CSNK1G1: variants seen among roughly 807,000 people sequenced by gnomAD.
CSNK1G1 encodes casein kinase 1 gamma 1, also known as casein kinase I isoform gamma-1.
In CSNK1G1, 22 loss-of-function variants were observed where a neutral mutation model predicts 59.6. The observed-to-expected ratio is 0.37, with a 90% CI of 0.26 to 0.53. The LOEUF is 0.53. Ranked by LOEUF, CSNK1G1 falls within the 20% of genes least tolerant of loss-of-function variation. The pLI is 0.89. For missense variants in CSNK1G1, 384 were observed against 519.5 expected (o/e 0.74, Z 2.54); for synonymous variants, 179 against 177.1 (o/e 1.01, Z -0.08).
intron 2 of CSNK1G1, among the ~76,000 whole-genome samples, chr15:64,263,822 CAAAAAAAAAAA>C (rs869123397): frequency 3.7e-5 from 2 of 53,806 alleles, no homozygotes; most frequent in African/African-American, 7.5e-5. Context: ...TTTTGTTTAC[CAAAAAAAAAAA>C]AAAAAAAAAA....
At position 64,170,299 on chromosome 15, in the gene CSNK1G1, A is replaced by AG. The variant is rs1292958858; in HGVS notation, c.*1631dup. On this transcript the variant is annotated 3_prime_UTR_variant, in exon 12 of 12. Transcript: ENST00000303052. ...ATGAAAACACCATGGGGGGAGGCCT[A>AG]GGGCATACTGGGAAAAACATGCTTA... The AG allele has an allele frequency of 2.0e-5, 3 of 152,266 alleles. No homozygotes were observed. The highest frequency in any genetic ancestry group is 4.4e-5 in the Non-Finnish European group (3 of 68,058). 9.4% of individuals were successfully genotyped at this position (152,266 alleles called of 1,614,324 possible). A position where few individuals can be genotyped will look rare whatever the true frequency, so the allele number is the denominator to read the frequency against.
At chr15:64,301,811 T>C (rs1443706167) in intron 1 of CSNK1G1, among the ~76,000 whole-genome samples, 1 of 151,768 alleles carries the variant, frequency 6.6e-6, no homozygotes, top group Non-Finnish European at 1.5e-5. Flanking sequence ...AGCTTGAACC[T>C]AGGAGGTGGA....
chr15:64,332,332 T>C (rs1381952551), intron 1 of CSNK1G1, among the ~76,000 whole-genome samples: 6 of 137,850 alleles, frequency 4.4e-5, no homozygotes, highest in African/African-American at 1.1e-4. Context: ...CATCATGGAA[T>C]ACTATGCAGC....
intron 4 of CSNK1G1, among the ~76,000 whole-genome samples, chr15:64,235,163 C>G (rs1430079462): frequency 6.6e-6 from 1 of 152,170 alleles, no homozygotes; most frequent in African/African-American, 2.4e-5. Context: ...GTGTTTTGTT[C>G]TAATCCCTAG....
chr15:64,311,068 T>A (rs904089970), intron 1 of CSNK1G1, among the ~76,000 whole-genome samples: 17 of 152,244 alleles, frequency 1.1e-4, no homozygotes, highest in Admixed American at 9.2e-4. Context: ...ATTTATTATT[T>A]TTTTTAAGAC....
intron 3 of CSNK1G1, among the ~76,000 whole-genome samples, chr15:64,257,850 G>A (rs1892470007): frequency 6.6e-6 from 1 of 152,144 alleles, no homozygotes; most frequent in Admixed American, 6.5e-5. Flanking sequence ...TTCAATCTAA[G>A]AGGATATTTG....
At chr15:64,345,441 G>A (rs1218221123) in intron 1 of CSNK1G1, among the ~76,000 whole-genome samples, 2 of 152,144 alleles carry the variant, frequency 1.3e-5, no homozygotes, top group Admixed American at 1.3e-4. Flanking sequence ...GAAACCCTTC[G>A]CAACAATAAA....
intron 1 of CSNK1G1, among the ~76,000 whole-genome samples, chr15:64,341,098 C>T (rs1318979449): frequency 6.6e-5 from 1 of 15,112 alleles, no homozygotes; most frequent in African/African-American, 9.1e-5. Flanking sequence ...CTCCGCTTCC[C>T]GGGTTCACGC....
chr15:64,258,901 T>C (rs1301995676), intron 3 of CSNK1G1, among the ~76,000 whole-genome samples: 3 of 152,178 alleles, frequency 2.0e-5, no homozygotes, highest in East Asian at 1.9e-4. Context: ...CTTTTTAAGA[T>C]ACCTCTGTGA....
intron 1 of CSNK1G1, among the ~76,000 whole-genome samples, chr15:64,329,871 C>T (rs1255767637): frequency 5.9e-4 from 73 of 124,538 alleles, no homozygotes; most frequent in Admixed American, 1.4e-3. Flanking sequence ...GAAATACAAA[C>T]TACCATCAGA....
At position 64,170,287 on chromosome 15, in the gene CSNK1G1, G is replaced by A. The variant is rs1196484186; in HGVS notation, c.*1644C>T. 1 of 152,202 alleles carries A rather than the reference G, an allele frequency of 6.6e-6. No homozygotes were observed. Among genetic ancestry groups the A allele is most frequent in the Admixed American group, 6.5e-5 (1 of 15,274 alleles). The allele number at this position is 152,202 out of a possible 1,614,324, so 9.4% of individuals were successfully genotyped here. Reference sequence around the variant, plus strand: ...GTAGTACCTCATATGAAAACACCATGGGGGGAGGCCTAGGGCATACTGGGA... The same window carrying A: ...GTAGTACCTCATATGAAAACACCATAGGGGGAGGCCTAGGGCATACTGGGA... On this transcript the variant is annotated 3_prime_UTR_variant, in exon 12 of 12. Transcript: ENST00000303052.
chr15:64,327,708 A>C (rs1378139877), intron 1 of CSNK1G1, among the ~76,000 whole-genome samples: 3 of 151,708 alleles, frequency 2.0e-5, no homozygotes, highest in South Asian at 4.2e-4. Context: ...AGAAGGCTTC[A>C]GACGATCAAA....
intron 2 of CSNK1G1, among the ~76,000 whole-genome samples, chr15:64,282,360 G>A (rs1030716005): frequency 4.6e-5 from 7 of 152,004 alleles, no homozygotes; most frequent in African/African-American, 1.5e-4. Context: ...TCAGCCTCCC[G>A]GGTTCAAGCA....
chr15:64,346,245 TAAAA>T (rs142532053), intron 1 of CSNK1G1, among the ~76,000 whole-genome samples: 1 of 134,506 alleles, frequency 7.4e-6, no homozygotes, highest in African/African-American at 2.7e-5. Flanking sequence ...AAAAATAAAT[TAAAA>T]AAAAAACAAT....
chr15:64,190,022 G>A (rs1164632535), intron 10 of CSNK1G1, among the ~76,000 whole-genome samples: 2 of 151,948 alleles, frequency 1.3e-5, no homozygotes, highest in Non-Finnish European at 2.9e-5. Flanking sequence ...GGGTTTCACC[G>A]TGTTAGCCAG....
chr15:64,196,794 G>T (rs1209767149), intron 10 of CSNK1G1, among the ~76,000 whole-genome samples: 1 of 144,350 alleles, frequency 6.9e-6, no homozygotes, highest in African/African-American at 2.5e-5. Flanking sequence ...CTCTGTGTGT[G>T]TTTTTTTTTT....
At chr15:64,219,142 A>C (rs180836630) in intron 4 of CSNK1G1, among the ~76,000 whole-genome samples, 46 of 152,328 alleles carry the variant, frequency 3.0e-4, no homozygotes, top group African/African-American at 1.1e-3. Context: ...GGCGTGAGCC[A>C]CCACACCAGG....
chr15:64,207,465 T>A, intron 7 of CSNK1G1, 44 bp downstream of exon 7: 1 of 1,398,904 alleles, frequency 7.1e-7, no homozygotes, highest in Non-Finnish European at 1.0e-6. Flanking sequence ...CATTAACAAC[T>A]GAGCATTGAA....
chr15:64,199,261 AAAAAAAAAAAAG>A (rs1209336643), intron 10 of CSNK1G1, among the ~76,000 whole-genome samples: 6 of 149,910 alleles, frequency 4.0e-5, no homozygotes, highest in Non-Finnish European at 8.9e-5. Flanking sequence ...AAAAAAAAAA[AAAAAAAAAAAAG>A]AAAAAGAAAA....
Sources: allele counts gnomAD v4.1 joint callset (sites outside exome capture counted in the v4.1 genomes callset), GRCh38; gene constraint gnomAD v4.1.1; transcripts MANE v1.5; gene names NCBI Gene and HGNC (gene_info 2026-07-23, HGNC 2026-07-21).